The following SCARB1 variants were observed in gnomAD, a reference collection of about 807,000 sequenced individuals.
SCARB1 encodes scavenger receptor class B member 1.
In SCARB1, 30 loss-of-function variants were observed where a neutral mutation model predicts 57.2. That is an observed-to-expected ratio of 0.52 (90% CI 0.39 to 0.71). SCARB1 has a LOEUF of 0.71. SCARB1 is among the 30% of genes least tolerant of loss of function. The probability of loss-of-function intolerance (pLI) is 0.00; values close to 1 mark genes in which losing one functional copy is unlikely to be tolerated. For missense variants in SCARB1, 543 were observed against 671.2 expected (o/e 0.81, Z 2.11); for synonymous variants, 249 against 268.3 (o/e 0.93, Z 0.70).
intron 1 of SCARB1, among the ~76,000 whole-genome samples, chr12:124,851,752 G>A (rs1952410368): frequency 6.6e-6 from 1 of 151,770 alleles, no homozygotes; most frequent in African/African-American, 2.4e-5. Context: ...GACTACAGGT[G>A]TGTGCCACCA....
At chr12:124,809,262 A>G (rs1566176495) in intron 6 of SCARB1, among the ~76,000 whole-genome samples, 1 of 152,038 alleles carries the variant, frequency 6.6e-6, no homozygotes, top group Non-Finnish European at 1.5e-5. Context: ...TGTATTTCTC[A>G]TGCAACTTTT....
chr12:124,794,101 G>A (rs115606816), intron 9 of SCARB1, among the ~76,000 whole-genome samples: 56 of 152,326 alleles, frequency 3.7e-4, no homozygotes, highest in African/African-American at 1.2e-3. Flanking sequence ...AGGTAAGTCC[G>A]CAGAGACAGG....
chr12:124,848,825 C>T (rs1385727209), intron 1 of SCARB1, among the ~76,000 whole-genome samples: 3 of 152,182 alleles, frequency 2.0e-5, no homozygotes, highest in Admixed American at 6.5e-5. Context: ...CATGGACAAG[C>T]GATGACAGCG....
chr12:124,808,768 TG>T (rs1445877409), intron 6 of SCARB1, among the ~76,000 whole-genome samples: 5 of 151,994 alleles, frequency 3.3e-5, no homozygotes, highest in Non-Finnish European at 7.4e-5. Context: ...GCCCTTGACA[TG>T]GGGTGAGTCC....
intron 1 of SCARB1, among the ~76,000 whole-genome samples, chr12:124,844,255 C>A (rs548805598): frequency 6.6e-6 from 1 of 152,260 alleles, no homozygotes; most frequent in East Asian, 1.9e-4. Flanking sequence ...AACAGGGCAG[C>A]ACGAGGAATG....
At chr12:124,793,416 C>T (rs991019172) in intron 9 of SCARB1, among the ~76,000 whole-genome samples, 18 of 316 alleles carry the variant, frequency 0.057, 2 homozygotes, top group Admixed American at 0.24. Flanking sequence ...GGGATGGGGC[C>T]GGGCGCGGTG....
At chr12:124,788,996 G>A (rs1287150059) in intron 9 of SCARB1, among the ~76,000 whole-genome samples, 7 of 152,160 alleles carry the variant, frequency 4.6e-5, no homozygotes, top group Admixed American at 6.5e-5. Flanking sequence ...TGGGGATGGC[G>A]GGGAGTCACA....
rs186412131 is a variant in SCARB1 at position 124,792,520 on chromosome 12, G to A, written c.1202+2675C>T. ...GCGGATCACCTGAGGTCACAAGTTC[G>A]AGAACAGCCTGGCCAACATGGTGAA... On this transcript the variant is annotated intron_variant, in intron 9 of 12. Coordinates refer to ENST00000261693, the MANE Select transcript of SCARB1 (RefSeq NM_005505.5). Among the ~76,000 whole-genome samples, 833 of 152,028 alleles carry A rather than the reference G, an allele frequency of 5.5e-3. 10 individuals are homozygous for A. The highest frequency in any genetic ancestry group is 5.4e-3 in the Non-Finnish European group (366 of 68,002).
At chr12:124,846,428 G>A (rs986190799) in intron 1 of SCARB1, among the ~76,000 whole-genome samples, 2 of 152,114 alleles carry the variant, frequency 1.3e-5, no homozygotes, top group Non-Finnish European at 2.9e-5. Context: ...TAACCCAGAA[G>A]TGAACACAGT....
In SCARB1 at chr12:124,812,355, C is replaced by T. The variant is rs975861895; in HGVS notation, c.631-390G>A. Among the ~76,000 whole-genome samples the T allele has an allele frequency of 2.0e-5, 3 of 152,218 alleles. No individual in the cohort carries two copies. The highest frequency in any genetic ancestry group is 7.2e-5 in the African/African-American group (3 of 41,460). The stretch of plus-strand genomic sequence containing the variant: ...GGATGCTTTAAGGACTGTGCACACG[C>T]CTTTCACCGGGCTCTCTGCCGCTGC... On this transcript the variant is annotated intron_variant, in intron 4 of 12. Transcript: ENST00000261693. The surrounding 1 kb of genome is among the most constrained non-coding windows in gnomAD (Gnocchi z 4.3).
chr12:124,845,537 C>CAAA (rs34178546), intron 1 of SCARB1, among the ~76,000 whole-genome samples: 13,970 of 106,136 alleles, frequency 0.13, 907 homozygotes, highest in East Asian at 0.14. Flanking sequence ...ATTAAAAATA[C>CAAA]AAAAAAAAAA....
At chr12:124,813,551 T>C (rs942329025) in intron 4 of SCARB1, among the ~76,000 whole-genome samples, 4 of 152,236 alleles carry the variant, frequency 2.6e-5, no homozygotes, top group Non-Finnish European at 4.4e-5. Flanking sequence ...GTAATAACTT[T>C]CATTTGCAAA....
intron 7 of SCARB1, among the ~76,000 whole-genome samples, chr12:124,802,272 G>T (rs1401573185): frequency 1.3e-5 from 2 of 152,000 alleles, no homozygotes; most frequent in East Asian, 1.9e-4. Context: ...TCTGTTAAAA[G>T]AAAAAACAAA....
At chr12:124,849,202 C>CTGCCAAAGG (rs1952291960) in intron 1 of SCARB1, among the ~76,000 whole-genome samples, 1 of 152,332 alleles carries the variant, frequency 6.6e-6, no homozygotes, top group African/African-American at 2.4e-5. Flanking sequence ...AGCTAAAGCC[C>CTGCCAAAGG]TGCCAAAGGC....
chr12:124,808,753 A>G (rs186618284), intron 6 of SCARB1, among the ~76,000 whole-genome samples: 4 of 152,308 alleles, frequency 2.6e-5, no homozygotes, highest in Admixed American at 2.6e-4. Context: ...ATGGCTGTCC[A>G]TCCCGCCCTT....
At chr12:124,786,122 G>A (rs1949505075) in intron 11 of SCARB1, 1 of 1,537,638 alleles carries the variant, frequency 6.5e-7, no homozygotes, top group African/African-American at 1.4e-5. Flanking sequence ...CCCCCTCCAA[G>A]GGAGGGTCCC....
rs1952329521 is a variant in SCARB1, at chr12:124,850,125, C to A, written c.126+13470G>T. Among the ~76,000 whole-genome samples the A allele has an allele frequency of 1.5e-5, 2 of 132,042 alleles. 1 individual carries two copies. Among genetic ancestry groups the A allele is most frequent in the Non-Finnish European group, 3.4e-5 (2 of 59,452 alleles). 86.6% of individuals were successfully genotyped at this position (132,042 alleles called of 152,430 possible). On this transcript the variant is annotated intron_variant, in intron 1 of 12. Coordinates refer to ENST00000261693, the MANE Select transcript of SCARB1 (RefSeq NM_005505.5). Reference sequence around the variant, plus strand: ...CTGTGGCATATGCTTATAATCCCAGCACTTTGGGAGGCCAAGGTGGGTGGA... The same window carrying A: ...CTGTGGCATATGCTTATAATCCCAGAACTTTGGGAGGCCAAGGTGGGTGGA...
chr12:124,841,736 G>C (rs182722438), intron 1 of SCARB1, among the ~76,000 whole-genome samples: 12 of 152,198 alleles, frequency 7.9e-5, no homozygotes, highest in African/African-American at 2.9e-4. Flanking sequence ...AGCTCATAGA[G>C]CCCCTCCTCT....
In SCARB1 at chr12:124,810,541, C is replaced by T. The variant is rs999250930; in HGVS notation, c.727-252G>A. Among the ~76,000 whole-genome samples the T allele has an allele frequency of 1.2e-4, 19 of 152,320 alleles. No individual in the cohort carries two copies. Among genetic ancestry groups the T allele is most frequent in the African/African-American group, 4.6e-4 (19 of 41,578 alleles). On this transcript the variant is annotated intron_variant, in intron 5 of 12. Transcript: ENST00000261693. This position sits in a 1 kb window ranked among gnomAD's most constrained non-coding sequence, Gnocchi z 4.0. ...TTCATCTGCAAAATAGGCCTATCAC[C>T]CACATTTCCAGCCTGAATCTGGAAA...
Sources: gnomAD v4.1 joint callset for allele counts (sites outside exome capture counted in the v4.1 genomes callset) on GRCh38, gnomAD v4.1.1 for gene constraint, Gnocchi (gnomAD v3.1) non-coding constraint, MANE v1.5 for transcripts, NCBI Gene and HGNC (gene_info 2026-07-23, HGNC 2026-07-21) for gene names.